DACH1: variants seen among roughly 807,000 people sequenced by gnomAD.
The protein encoded by DACH1 is dachshund homolog 1.
DACH1 carries 12 observed loss-of-function variants against 54.2 expected under a neutral mutation model. The ratio of observed to expected loss-of-function variants is 0.22; its 90% confidence interval spans 0.14 to 0.36. The LOEUF (loss-of-function observed/expected upper bound fraction) is 0.36. Ranked by LOEUF, DACH1 falls within the 10% of genes least tolerant of loss-of-function variation. The pLI, the probability that DACH1 is intolerant of heterozygous loss-of-function variation, is 1.00. For synonymous variants in DACH1, 386 were observed against 366.2 expected (o/e 1.05, Z -0.62); for missense variants, 805 against 929.8 (o/e 0.87, Z 1.75).
At chr13:71,836,991 C>A (rs925977026) in intron 1 of DACH1, among the ~76,000 whole-genome samples, 1 of 151,626 alleles carries the variant, frequency 6.6e-6, no homozygotes, top group Non-Finnish European at 1.5e-5. Context: ...ATGTAGTTTT[C>A]ATCACTTTAT....
At chr13:71,673,077 G>C (rs1880299939) in intron 2 of DACH1, among the ~76,000 whole-genome samples, 1 of 152,146 alleles carries the variant, frequency 6.6e-6, no homozygotes, top group Non-Finnish European at 1.5e-5. Context: ...GTGCAGACCA[G>C]TGTAGGAAAA....
At chr13:71,538,337 G>T (rs145321561) in intron 6 of DACH1, among the ~76,000 whole-genome samples, 1 of 151,442 alleles carries the variant, frequency 6.6e-6, no homozygotes, top group Non-Finnish European at 1.5e-5. Flanking sequence ...CCAACTAGTG[G>T]TTCTATAATG....
At chr13:71,648,653 T>C (rs1644756302) in intron 2 of DACH1, among the ~76,000 whole-genome samples, 1 of 152,190 alleles carries the variant, frequency 6.6e-6, no homozygotes, top group Admixed American at 6.6e-5. Flanking sequence ...GTTAGATAGA[T>C]GGCTTCTGTT....
At chr13:71,752,079 TC>T (rs1884951559) in intron 1 of DACH1, among the ~76,000 whole-genome samples, 1 of 152,166 alleles carries the variant, frequency 6.6e-6, no homozygotes. Flanking sequence ...AATGCCATCC[TC>T]TCAGAGGTTT....
chr13:71,483,705 C>T (rs974749343), intron 7 of DACH1, among the ~76,000 whole-genome samples: 6 of 151,922 alleles, frequency 3.9e-5, no homozygotes, highest in African/African-American at 9.6e-5. Flanking sequence ...TCATTCACCT[C>T]CATAACAACT....
chr13:71,839,378 C>T (rs951173307), intron 1 of DACH1, among the ~76,000 whole-genome samples: 2 of 152,020 alleles, frequency 1.3e-5, no homozygotes, highest in African/African-American at 4.8e-5. Context: ...GAGGCCAAGG[C>T]GGGTGGATAA....
chr13:71,469,923 G>T (rs918078608), intron 10 of DACH1, among the ~76,000 whole-genome samples: 1 of 152,106 alleles, frequency 6.6e-6, no homozygotes. Flanking sequence ...TTTGATTATG[G>T]TCATTGGATG....
intron 2 of DACH1, among the ~76,000 whole-genome samples, chr13:71,647,586 C>G (rs2138614061): frequency 6.6e-6 from 1 of 152,306 alleles, no homozygotes; most frequent in South Asian, 2.1e-4. Context: ...ACTGTATCAT[C>G]TGATCATGCC....
At chr13:71,725,721 C>A (rs1883440369) in intron 1 of DACH1, among the ~76,000 whole-genome samples, 1 of 151,952 alleles carries the variant, frequency 6.6e-6, no homozygotes, top group Non-Finnish European at 1.5e-5. Flanking sequence ...TGGCAATCAT[C>A]ATTGAAAATA....
intron 6 of DACH1, among the ~76,000 whole-genome samples, chr13:71,550,214 T>G (rs1883719312): frequency 1.3e-5 from 2 of 152,320 alleles, no homozygotes; most frequent in South Asian, 2.1e-4. Flanking sequence ...ATTAGCTAAC[T>G]TGATAGTAGT....
intron 5 of DACH1, 100 bp downstream of exon 5, chr13:71,559,720 T>C: frequency 2.1e-6 from 3 of 1,453,196 alleles, no homozygotes; most frequent in South Asian, 1.2e-5. Context: ...CAGAACATGA[T>C]CCATCTGAGA....
intron 2 of DACH1, among the ~76,000 whole-genome samples, chr13:71,666,849 G>A (rs981750721): frequency 1.3e-5 from 2 of 152,082 alleles, no homozygotes; most frequent in African/African-American, 4.8e-5. Flanking sequence ...GGGTGTGGTG[G>A]TGTGTGCCTG....
intron 1 of DACH1, among the ~76,000 whole-genome samples, chr13:71,838,940 T>G (rs1888908330): frequency 6.6e-6 from 1 of 152,190 alleles, no homozygotes; most frequent in Non-Finnish European, 1.5e-5. Context: ...TTTTATTCAG[T>G]GGTATTTTTC....
intron 4 of DACH1, among the ~76,000 whole-genome samples, chr13:71,566,502 G>T (rs1593905944): frequency 6.6e-6 from 1 of 152,102 alleles, no homozygotes; most frequent in South Asian, 2.1e-4. Context: ...CTTAGGATCA[G>T]TTTTTATGGA....
At chr13:71,528,203 T>A (rs1475075224) in intron 6 of DACH1, among the ~76,000 whole-genome samples, 1 of 152,088 alleles carries the variant, frequency 6.6e-6, no homozygotes, top group Non-Finnish European at 1.5e-5. Context: ...CATTCAGACA[T>A]AAGGGCAAGA....
chr13:71,772,795 T>C (rs1483394599), intron 1 of DACH1, among the ~76,000 whole-genome samples: 1 of 151,828 alleles, frequency 6.6e-6, no homozygotes, highest in Non-Finnish European at 1.5e-5. Flanking sequence ...GAAAAAAGTT[T>C]CTTCCAAATA....
chr13:71,483,464 T>C (rs1878229905), intron 7 of DACH1, among the ~76,000 whole-genome samples: 1 of 146,518 alleles, frequency 6.8e-6, no homozygotes, highest in African/African-American at 2.5e-5. Context: ...AAATAACAAA[T>C]AATACCTTAT....
intron 7 of DACH1, among the ~76,000 whole-genome samples, chr13:71,484,139 T>C (rs1033328946): frequency 3.9e-5 from 6 of 152,148 alleles, no homozygotes; most frequent in African/African-American, 1.4e-4. Context: ...CTATAGTGAA[T>C]CAATCTGGAG....
At chr13:71,701,524 T>C (rs915655529) in intron 1 of DACH1, among the ~76,000 whole-genome samples, 1 of 152,004 alleles carries the variant, frequency 6.6e-6, no homozygotes, top group African/African-American at 2.4e-5. Flanking sequence ...ACATCAAAGA[T>C]GCAATCCAGA....
Sources: allele counts gnomAD v4.1 joint callset (sites outside exome capture counted in the v4.1 genomes callset), GRCh38; gene constraint gnomAD v4.1.1; transcripts MANE v1.5; gene names NCBI Gene and HGNC (gene_info 2026-07-23, HGNC 2026-07-21).